Variants in SCHIP1 observed in about 807,000 individuals in gnomAD.
SCHIP1 encodes schwannomin-interacting protein 1.
In SCHIP1, 8 loss-of-function variants were observed where a neutral mutation model predicts 29.7. The observed-to-expected ratio is 0.27, with a 90% CI of 0.16 to 0.49. SCHIP1 has a LOEUF of 0.49. Ranked by LOEUF, SCHIP1 falls within the 20% of genes least tolerant of loss-of-function variation. The pLI, the probability that SCHIP1 is intolerant of heterozygous loss-of-function variation, is 0.99. For missense variants in SCHIP1, 193 were observed against 294.6 expected (o/e 0.66, Z 2.52); for synonymous variants, 76 against 94.9 (o/e 0.80, Z 1.16).
At chr3:159,399,806 A>AGGG in the SCHIP1 span, among the ~76,000 whole-genome samples, 2 of 152,156 alleles carry the variant, frequency 1.3e-5, no homozygotes, top group Non-Finnish European at 2.9e-5. Flanking sequence ...CCTCCTGGGT[A>AGGG]GCTAGGATTA....
chr3:159,798,992 C>T, the SCHIP1 span, among the ~76,000 whole-genome samples: 2 of 152,032 alleles, frequency 1.3e-5, no homozygotes, highest in Non-Finnish European at 2.9e-5. Context: ...AATTTTCCAC[C>T]AAGTTATCTT....
At chr3:159,381,500 T>C in the SCHIP1 span, among the ~76,000 whole-genome samples, 1 of 152,190 alleles carries the variant, frequency 6.6e-6, no homozygotes, top group Non-Finnish European at 1.5e-5. Context: ...CCAAAAACCC[T>C]TGATGGTGGC....
At chr3:159,409,290 C>A in the SCHIP1 span, among the ~76,000 whole-genome samples, 1 of 151,516 alleles carries the variant, frequency 6.6e-6, no homozygotes, top group Non-Finnish European at 1.5e-5. Flanking sequence ...CTAGCTAGAG[C>A]AATCAGACAA....
the SCHIP1 span, among the ~76,000 whole-genome samples, chr3:159,699,148 A>G: frequency 6.6e-6 from 1 of 152,236 alleles, no homozygotes; most frequent in Non-Finnish European, 1.5e-5. Flanking sequence ...GTATGGGAAT[A>G]TGCTAACACT....
the SCHIP1 span, among the ~76,000 whole-genome samples, chr3:159,486,201 T>C: frequency 6.6e-6 from 1 of 152,286 alleles, no homozygotes; most frequent in East Asian, 1.9e-4. Context: ...CAATACAGTA[T>C]TGTTAACTAC....
At chr3:159,400,027 G>T in the SCHIP1 span, among the ~76,000 whole-genome samples, 1 of 152,198 alleles carries the variant, frequency 6.6e-6, no homozygotes, top group Admixed American at 6.5e-5. Context: ...GATTCTGCAT[G>T]CTTATCAAGC....
chr3:159,288,558 G>C, the SCHIP1 span, among the ~76,000 whole-genome samples: 2 of 152,098 alleles, frequency 1.3e-5, no homozygotes, highest in Non-Finnish European at 2.9e-5. Context: ...ATCAACATGG[G>C]GAAACCCAGT....
At chr3:159,552,070 A>C in the SCHIP1 span, among the ~76,000 whole-genome samples, 1 of 119,708 alleles carries the variant, frequency 8.4e-6, no homozygotes. Flanking sequence ...ACAGAGTCTC[A>C]CTCTGTTGCC....
the SCHIP1 span, among the ~76,000 whole-genome samples, chr3:159,729,639 C>A: frequency 6.6e-6 from 1 of 152,076 alleles, no homozygotes; most frequent in African/African-American, 2.4e-5. Flanking sequence ...AATAAACATG[C>A]AGAATATATG....
chr3:159,331,025 G>A, the SCHIP1 span, among the ~76,000 whole-genome samples: 2 of 152,154 alleles, frequency 1.3e-5, no homozygotes, highest in African/African-American at 2.4e-5. Flanking sequence ...TGCCTATTAG[G>A]TATGTCTTGG....
At chr3:159,657,516 T>C in the SCHIP1 span, among the ~76,000 whole-genome samples, 2 of 152,178 alleles carry the variant, frequency 1.3e-5, no homozygotes, top group African/African-American at 2.4e-5. Flanking sequence ...AATAAATCCA[T>C]GTCAAGTGGA....
At chr3:159,424,436 A>ATCAGTGTG in the SCHIP1 span, among the ~76,000 whole-genome samples, 1 of 152,224 alleles carries the variant, frequency 6.6e-6, no homozygotes, top group Non-Finnish European at 1.5e-5. Flanking sequence ...ATATCAGTGT[A>ATCAGTGTG]TCAGTGACGG....
the SCHIP1 span, chr3:159,387,354 T>C: frequency 2.3e-5 from 9 of 386,454 alleles, no homozygotes; most frequent in Non-Finnish European, 3.1e-5. Flanking sequence ...GGAGAAGAGA[T>C]AGATCTCTTC....
chr3:159,443,532 C>T, the SCHIP1 span, among the ~76,000 whole-genome samples: 1 of 151,712 alleles, frequency 6.6e-6, no homozygotes, highest in Non-Finnish European at 1.5e-5. Context: ...TTTTTTGAGA[C>T]GGAGTCTTGC....
chr3:159,599,121 G>T, the SCHIP1 span, among the ~76,000 whole-genome samples: 43 of 152,056 alleles, frequency 2.8e-4, no homozygotes, highest in African/African-American at 9.7e-4. Flanking sequence ...AAGATGAGGG[G>T]TTTTTGTTTC....
At chr3:159,372,804 C>T in the SCHIP1 span, among the ~76,000 whole-genome samples, 5 of 151,916 alleles carry the variant, frequency 3.3e-5, no homozygotes, top group African/African-American at 1.2e-4. Flanking sequence ...ATAAATAAAA[C>T]TTTCTTCAAA....
At chr3:159,886,067 G>C in intron 2 of SCHIP1, 140 bp from the exon 4 acceptor site, 1 of 738,150 alleles carries the variant, frequency 1.4e-6, no homozygotes, top group South Asian at 1.8e-5. Flanking sequence ...TTTATATGTG[G>C]AGAGTAATAT....
chr3:159,738,041 T>C, the SCHIP1 span, among the ~76,000 whole-genome samples: 1 of 152,210 alleles, frequency 6.6e-6, no homozygotes, highest in Admixed American at 6.5e-5. Flanking sequence ...TGTCTCTTCC[T>C]TTCTCTGGAA....
At chr3:159,732,141 T>G in the SCHIP1 span, among the ~76,000 whole-genome samples, 1 of 152,248 alleles carries the variant, frequency 6.6e-6, no homozygotes. Context: ...CCACCACGCC[T>G]GGCCCCTTAT....
Sources: gnomAD v4.1 joint callset for allele counts (sites outside exome capture counted in the v4.1 genomes callset) on GRCh38, gnomAD v4.1.1 for gene constraint, MANE v1.5 for transcripts, NCBI Gene and HGNC (gene_info 2026-07-23, HGNC 2026-07-21) for gene names.